SCUBE2: variants seen among roughly 807,000 people sequenced by gnomAD.
SCUBE2 encodes signal peptide, CUB and EGF-like domain-containing protein 2.
Under a neutral mutation model 125.9 loss-of-function variants are expected in SCUBE2, and 114 were observed. That is an observed-to-expected ratio of 0.91 (90% CI 0.78 to 1.06). The LOEUF (loss-of-function observed/expected upper bound fraction) is 1.06. Among genes scored for constraint, SCUBE2 ranks in the 50% least tolerant of loss-of-function variants. SCUBE2 has a pLI of 0.00. For missense variants in SCUBE2, 1,255 were observed against 1,301.8 expected (o/e 0.96, Z 0.55); for synonymous variants, 459 against 492.9 (o/e 0.93, Z 0.91).
chr11:9,036,186 G>A (rs571075981), intron 16 of SCUBE2, among the ~76,000 whole-genome samples: 2 of 152,282 alleles, frequency 1.3e-5, no homozygotes, highest in African/African-American at 2.4e-5. Flanking sequence ...CACCATGGCC[G>A]ACTACAATTT....
rs189865914 is a variant in SCUBE2 at position 9,026,121 on chromosome 11, G to T, written c.2702-267C>A. 2.6e-5 allele frequency: 8 copies of T among 307,228 alleles called. No homozygotes were observed. The Admixed American group carries it at 3.3e-4, about 13-fold the overall frequency. 19.0% of individuals were successfully genotyped at this position (307,228 alleles called of 1,614,324 possible). ...GGCTGTACCGTTCACTGTAGGAGCT[G>T]GGTGAGGGCCTCCCATTCCAGAACT... On this transcript the variant is annotated intron_variant, in intron 20 of 22. Coordinates refer to ENST00000649792, the MANE Select transcript of SCUBE2 (RefSeq NM_001367977.2).
rs139908941 is a variant in SCUBE2, at chr11:9,033,669, C to T, written c.2130G>A (p.Gly710=). 3.4e-5 allele frequency: 55 copies of T among 1,614,060 alleles called. No homozygotes were observed. In the East Asian group the frequency reaches 1.1e-3, roughly 31 times the overall value. The change falls in exon 17 of 23, where the codon GGG becomes GGA. Residue 710 remains glycine, a synonymous_variant. Coordinates refer to ENST00000649792, the MANE Select transcript of SCUBE2 (RefSeq NM_001367977.2). ...CEPCPRPGNS[G]ALKTPEAWNM... ...TCCAAGCTTCTGGGGTCTTCAGGGCCCCAGAATTTCCTGGTCTTGGGCATG... is the reference window on the plus strand; with the variant it reads ...TCCAAGCTTCTGGGGTCTTCAGGGCTCCAGAATTTCCTGGTCTTGGGCATG...
chr11:9,065,515 C>T (rs1860129550), intron 7 of SCUBE2, among the ~76,000 whole-genome samples: 1 of 152,196 alleles, frequency 6.6e-6, no homozygotes, highest in Non-Finnish European at 1.5e-5. Context: ...ATTACCCAGT[C>T]TCAGGCAGTT....
chr11:9,039,315 T>C (rs1857005073), intron 16 of SCUBE2, among the ~76,000 whole-genome samples: 2 of 152,052 alleles, frequency 1.3e-5, no homozygotes, highest in African/African-American at 4.8e-5. Flanking sequence ...TAAAGGAAAT[T>C]ACCTGAAGGC....
At chr11:9,059,066 G>A (rs1049204509) in intron 9 of SCUBE2, among the ~76,000 whole-genome samples, 10 of 152,140 alleles carry the variant, frequency 6.6e-5, no homozygotes, top group African/African-American at 1.2e-4. Context: ...TCATCACATC[G>A]ATGGGTTCTT....
chr11:9,033,254 C>T (rs1856467805), intron 17 of SCUBE2, among the ~76,000 whole-genome samples: 1 of 152,096 alleles, frequency 6.6e-6, no homozygotes, highest in South Asian at 2.1e-4. Flanking sequence ...GAATTTGAGA[C>T]CAAAGCTGGA....
At chr11:9,036,588 G>C (rs1455364742) in intron 16 of SCUBE2, among the ~76,000 whole-genome samples, 1 of 152,236 alleles carries the variant, frequency 6.6e-6, no homozygotes, top group Non-Finnish European at 1.5e-5. Context: ...GGAAGGGAAA[G>C]TGCCGATATG....
intron 11 of SCUBE2, 74 bp from the exon 12 acceptor site, chr11:9,053,289 T>C (rs1030750593): frequency 5.7e-6 from 7 of 1,224,430 alleles, no homozygotes; most frequent in Non-Finnish European, 7.2e-6. Flanking sequence ...TTGAGTCCCA[T>C]GCACCAAAGG....
Position 9,059,556 on chromosome 11 carries a change from T to C in SCUBE2, c.968-131A>G. The C allele has an allele frequency of 5.2e-6, 6 of 1,157,674 alleles. No individual in the cohort carries two copies. In the South Asian group the frequency reaches 1.2e-4, roughly 22 times the overall value. The allele number at this position is 1,157,674 out of a possible 1,614,324, so 71.7% of individuals were successfully genotyped here. A position where few individuals can be genotyped will look rare whatever the true frequency, so the allele number is the denominator to read the frequency against. On this transcript the variant is annotated intron_variant, in intron 8 of 22. Coordinates refer to ENST00000649792, the MANE Select transcript of SCUBE2 (RefSeq NM_001367977.2). Reference sequence around the variant, plus strand: ...AAAGACTCACAAAAGCATTTAAGAATGTTTGCTGATGTTTTTAACCTTATA... The same window carrying C: ...AAAGACTCACAAAAGCATTTAAGAACGTTTGCTGATGTTTTTAACCTTATA...
At position 9,029,987 on chromosome 11, in the gene SCUBE2, T is replaced by A. The variant is rs768061104; in HGVS notation, c.2400A>T (p.Pro800=). The A allele has an allele frequency of 6.2e-7, 1 of 1,614,234 alleles. No homozygotes were observed. Among genetic ancestry groups the A allele is most frequent in the Non-Finnish European group, 8.5e-7 (1 of 1,180,052 alleles). Residue 800 remains proline, a synonymous_variant, in exon 19 of 23, where the codon CCA becomes CCT. Coordinates refer to ENST00000649792, the MANE Select transcript of SCUBE2 (RefSeq NM_001367977.2). ...NTTTHRCIRC[P]VGTYQPEFGK... The stretch of plus-strand genomic sequence containing the variant: ...CAAATTCAGGCTGGTATGTTCCCAC[T>A]GGGCAACGAATACATCGGTGAGTGG...
Position 9,040,637 on chromosome 11 carries a change from G to A in SCUBE2, c.2002+6719C>T, listed in dbSNP as rs199558847. ...ACACCGTGGGTACGCAGGAGAAAGG[G>A]AGGATTCATATCCCAGGCAGGATGG... On this transcript the variant is annotated intron_variant, in intron 16 of 22. Transcript: ENST00000649792. Among the ~76,000 whole-genome samples, 689 of 151,210 alleles carry A rather than the reference G, an allele frequency of 4.6e-3. 8 individuals are homozygous for A. Among genetic ancestry groups the A allele is most frequent in the Admixed American group, 0.031 (464 of 15,064 alleles).
chr11:9,029,645 G>T (rs143889564), intron 19 of SCUBE2, among the ~76,000 whole-genome samples: 2 of 152,218 alleles, frequency 1.3e-5, no homozygotes, highest in African/African-American at 4.8e-5. Flanking sequence ...GGAAATTAAG[G>T]CAAGTACAGC....
chr11:9,042,699 A>G (rs770582442), intron 16 of SCUBE2, among the ~76,000 whole-genome samples: 1 of 152,156 alleles, frequency 6.6e-6, no homozygotes, highest in South Asian at 2.1e-4. Flanking sequence ...TGCCTCCTGC[A>G]TATGAAACAG....
rs181012955 is a variant in SCUBE2 at position 9,040,389 on chromosome 11, A to T, written c.2003-6593T>A. On this transcript the variant is annotated intron_variant, in intron 16 of 22. Coordinates refer to ENST00000649792, the MANE Select transcript of SCUBE2 (RefSeq NM_001367977.2). ...ACCCTTCTTGTGATCTGTCAATCTG[A>T]TAACTGAGATGACTACTATGTGACT... Among the ~76,000 whole-genome samples, 606 of 152,356 alleles carry T rather than the reference A, an allele frequency of 4.0e-3. 4 individuals are homozygous for T. Among genetic ancestry groups the T allele is most frequent in the Non-Finnish European group, 4.5e-3 (307 of 68,038 alleles).
chr11:9,024,471 AT>A, intron 21 of SCUBE2: 2 of 1,200,480 alleles, frequency 1.7e-6, no homozygotes, highest in Non-Finnish European at 1.1e-6. Context: ...GCCATAGAAT[AT>A]TGTCTTCCCA....
rs765318461 is a variant in SCUBE2 at position 9,055,924 on chromosome 11, G to A, written c.1091-15C>T. On this transcript the variant is annotated splice_polypyrimidine_tract_variant and intron_variant, in intron 9 of 22. Transcript: ENST00000649792. ...CTCATCCACATCTGTAATGGTCAAA[G>A]GGAGAGGGGAGCTGAAACCCACTCT... The A allele has an allele frequency of 4.4e-6, 7 of 1,605,214 alleles. No individual in the cohort carries two copies. The African/African-American group carries it at 9.4e-5, about 21-fold the overall frequency.
At chr11:9,061,428 G>T (rs536467476) in intron 7 of SCUBE2, among the ~76,000 whole-genome samples, 1 of 152,004 alleles carries the variant, frequency 6.6e-6, no homozygotes, top group African/African-American at 2.4e-5. Context: ...GCCTGGTGAC[G>T]CACACCTGTG....
In SCUBE2 at chr11:9,030,774, C is replaced by A. The variant is rs948749078; in HGVS notation, c.2325G>T (p.Gln775His). 6.2e-7 allele frequency: 1 copy of A among 1,613,826 alleles called. No homozygotes were observed. The highest frequency in any genetic ancestry group is 8.5e-7 in the Non-Finnish European group (1 of 1,179,876). ...ATKHQGATSFQDCETRVQCSP... is the reference protein window; with the variant it reads ...ATKHQGATSFHDCETRVQCSP... ...AGTACTCACCTCTGGTTTCACAGTC[C>A]TGAAAGGAAGTAGCTCCCTGATGTT... is the stretch of plus-strand genomic sequence containing the variant. Residue 775 changes from glutamine (Q) to histidine (H), a missense_variant, in exon 18 of 23, where the codon CAG becomes CAT. By Grantham distance (24) the Gln-to-His change is conservative. Around this residue, in one of 3 missense-constraint regions of SCUBE2, gnomAD observed 515 missense variants for 515.7 expected, o/e 1.00. Coordinates refer to ENST00000649792, the MANE Select transcript of SCUBE2 (RefSeq NM_001367977.2).
chr11:9,083,635 A>T (rs60960132), intron 2 of SCUBE2, among the ~76,000 whole-genome samples: 2,901 of 151,664 alleles, frequency 0.019, 94 homozygotes, highest in African/African-American at 0.064. Flanking sequence ...GCTCACTGCA[A>T]CCTCCGCCCC....
Sources: gnomAD v4.1 joint callset for allele counts (sites outside exome capture counted in the v4.1 genomes callset) on GRCh38, gnomAD v4.1.1 for gene constraint, gnomAD v4.1.1 regional missense constraint, MANE v1.5 for transcripts, NCBI Gene and HGNC (gene_info 2026-07-23, HGNC 2026-07-21) for gene names.